TMEM150A: variants seen among roughly 807,000 people sequenced by gnomAD.
The protein encoded by TMEM150A is fasting-inducible integral membrane protein TM6P1.
A neutral mutation model predicts 29.8 loss-of-function variants in TMEM150A; 18 were observed. The ratio of observed to expected loss-of-function variants is 0.60; its 90% CI spans 0.42 to 0.90. TMEM150A has a LOEUF of 0.90. Among genes scored for constraint, TMEM150A ranks in the 40% least tolerant of loss-of-function variants. TMEM150A has a pLI of 0.00. For missense variants in TMEM150A, 251 were observed against 349.7 expected (o/e 0.72, Z 2.25); for synonymous variants, 127 against 143.6 (o/e 0.88, Z 0.83).
intron 4 of TMEM150A, 44 bp downstream of exon 4, chr2:85,600,977 G>A: frequency 6.3e-7 from 1 of 1,578,930 alleles, no homozygotes; most frequent in East Asian, 2.2e-5. Context: ...GGCTGTCTGG[G>A]AGGCCCTTAG....
chr2:85,600,213 A>G, intron 5 of TMEM150A, 132 bp downstream of exon 5: 1 of 1,310,420 alleles, frequency 7.6e-7, no homozygotes, highest in Non-Finnish European at 1.1e-6. Context: ...TTTGGCCTTC[A>G]AGGAAGGGGA....
In TMEM150A at chr2:85,598,936, G is replaced by A. The variant is rs1182985485; in HGVS notation, c.*140C>T. 1.6e-6 allele frequency: 2 copies of A among 1,286,320 alleles called. No individual in the cohort carries two copies. The highest frequency in any genetic ancestry group is 5.3e-5 in the Admixed American group (2 of 37,850). 79.7% of individuals were successfully genotyped at this position (1,286,320 alleles called of 1,614,324 possible). On this transcript the variant is annotated 3_prime_UTR_variant, in exon 8 of 8. Coordinates refer to ENST00000334462, the MANE Select transcript of TMEM150A (RefSeq NM_001031738.3). The stretch of plus-strand genomic sequence containing the variant: ...ACTCCTCCATGGCACAGGTGGGCAT[G>A]GGATGGCCACTTCTCCAGAAGTGAG...
Position 85,602,066 on chromosome 2 carries a change from TG to T in TMEM150A, c.-116-3del. On this transcript the variant is annotated splice_region_variant and splice_polypyrimidine_tract_variant and intron_variant, in intron 1 of 7. Transcript: ENST00000334462. The surrounding 1 kb of genome is among the most constrained non-coding windows in gnomAD (Gnocchi z 5.6). ...GCCACAACCATCAGCTGTCCTGGCC[TG>T]GTGGAGAGAGATCAAAGTCCAGGAG... is the stretch of plus-strand genomic sequence containing the variant. The T allele has an allele frequency of 1.1e-6, 1 of 897,388 alleles. No homozygotes were observed. The highest frequency in any genetic ancestry group is 1.8e-6 in the Non-Finnish European group (1 of 548,534). 55.6% of individuals were successfully genotyped at this position (897,388 alleles called of 1,614,324 possible).
chr2:85,600,965 G>C (rs1458833308), intron 4 of TMEM150A, 56 bp downstream of exon 4: 1 of 1,527,944 alleles, frequency 6.5e-7, no homozygotes, highest in Non-Finnish European at 9.0e-7. Context: ...CTTTGCTTGA[G>C]GGGCTGTCTG....
chr2:85,601,331 A>G lies in TMEM150A; in HGVS notation c.113+104T>C, dbSNP rs776559024. 12 of 1,420,938 alleles carry G rather than the reference A, an allele frequency of 8.4e-6. No homozygotes were observed. The highest frequency in any genetic ancestry group is 1.2e-5 in the Non-Finnish European group (12 of 1,004,584). 88.0% of individuals were successfully genotyped at this position (1,420,938 alleles called of 1,614,324 possible). ...CTGGGGACCAATTTCAGAGAAGAGC[A>G]GTGAGGCTCAGGGTTGCAGTCTGGC... On this transcript the variant is annotated intron_variant, in intron 3 of 7. Transcript: ENST00000334462. The surrounding 1 kb of genome is among the most constrained non-coding windows in gnomAD (Gnocchi z 4.0).
intron 4 of TMEM150A, 64 bp from the exon 5 acceptor site, chr2:85,600,476 C>T: frequency 8.4e-7 from 1 of 1,195,282 alleles, no homozygotes; most frequent in South Asian, 1.2e-5. Context: ...CCCATTTTGG[C>T]TCACTGGCTC....
At position 85,599,702 on chromosome 2, in the gene TMEM150A, C is replaced by G; in HGVS notation, c.397G>C (p.Val133Leu). ...TAGTGCAGAGACCTGGCATGATCCACCTGGGCCCAGAGAAGGGCCAGTTGG... is the reference window on the plus strand; with the variant it reads ...TAGTGCAGAGACCTGGCATGATCCAGCTGGGCCCAGAGAAGGGCCAGTTGG... Reference protein sequence around the residue: ...AGLLVVGNFQVDHARSLHYVG... With the variant: ...AGLLVVGNFQLDHARSLHYVG... Residue 133 changes from valine (V) to leucine (L), a missense_variant and splice_region_variant, in exon 7 of 8, where the codon GTG becomes CTG. Coordinates refer to ENST00000334462, the MANE Select transcript of TMEM150A (RefSeq NM_001031738.3). The surrounding 1 kb of genome is among the most constrained non-coding windows in gnomAD (Gnocchi z 6.0). 1 of 1,611,650 alleles carries G rather than the reference C, an allele frequency of 6.2e-7. No homozygotes were observed. The highest frequency in any genetic ancestry group is 8.5e-7 in the Non-Finnish European group (1 of 1,179,160).
In TMEM150A at chr2:85,599,967, T is replaced by C. The variant is rs780759343; in HGVS notation, c.320A>G (p.His107Arg). The C allele has an allele frequency of 1.2e-6, 2 of 1,611,230 alleles. No homozygotes were observed. Among genetic ancestry groups the C allele is most frequent in the East Asian group, 4.5e-5 (2 of 44,752 alleles). Reference sequence around the variant, plus strand: ...GAGTGCCGTGGTGTTAACCCAAGAGTGCCGACTCTGCTCCAGGAGCTGCCC... The same window carrying C: ...GAGTGCCGTGGTGTTAACCCAAGAGCGCCGACTCTGCTCCAGGAGCTGCCC... The part of the protein sequence containing the change: ...RYGQLLEQSR[H>R]SWVNTTALIT... Residue 107 changes from histidine (H) to arginine (R), a missense_variant, in exon 6 of 8, where the codon CAC (histidine) becomes CGC (arginine). Coordinates refer to ENST00000334462, the MANE Select transcript of TMEM150A (RefSeq NM_001031738.3). This position sits in a 1 kb window ranked among gnomAD's most constrained non-coding sequence, Gnocchi z 6.0.
chr2:85,601,260 G>A lies in TMEM150A; in HGVS notation c.114-153C>T. ...GTGCCCGCCTGAAGCAGTAACCAAA[G>A]GGGCAAAGGGATAGTGGGAAGTGGG... On this transcript the variant is annotated intron_variant, in intron 3 of 7. Transcript: ENST00000334462. This position sits in a 1 kb window ranked among gnomAD's most constrained non-coding sequence, Gnocchi z 4.0. The A allele has an allele frequency of 8.6e-7, 1 of 1,156,670 alleles. No homozygotes were observed. 71.7% of individuals were successfully genotyped at this position (1,156,670 alleles called of 1,614,324 possible).
rs779040281 is a variant in TMEM150A, at chr2:85,601,299, G to A, written c.113+136C>T. On this transcript the variant is annotated intron_variant, in intron 3 of 7. Coordinates refer to ENST00000334462, the MANE Select transcript of TMEM150A (RefSeq NM_001031738.3). This position sits in a 1 kb window ranked among gnomAD's most constrained non-coding sequence, Gnocchi z 4.0. Reference sequence around the variant, plus strand: ...GTGGGAAGTGGGTAGGTGGCAAGAAGCCATGCCTGGGGACCAATTTCAGAG... The same window carrying A: ...GTGGGAAGTGGGTAGGTGGCAAGAAACCATGCCTGGGGACCAATTTCAGAG... The A allele has an allele frequency of 1.6e-6, 2 of 1,275,986 alleles. No homozygotes were observed. The highest frequency in any genetic ancestry group is 2.3e-6 in the Non-Finnish European group (2 of 873,358). The allele number at this position is 1,275,986 out of a possible 1,614,324, so 79.0% of individuals were successfully genotyped here. A position where few individuals can be genotyped will look rare whatever the true frequency, so the allele number is the denominator to read the frequency against.
Position 85,599,369 on chromosome 2 carries a change from A to G in TMEM150A, c.575-52T>C, listed in dbSNP as rs768891378. The G allele has an allele frequency of 3.1e-6, 5 of 1,604,822 alleles. No individual in the cohort carries two copies. The highest frequency in any genetic ancestry group is 4.3e-6 in the Non-Finnish European group (5 of 1,173,704). The stretch of plus-strand genomic sequence containing the variant: ...GTAGGACATACGGAAACCTGGCAAC[A>G]CCCCTTCTGCAGTCTCAGGCCTCAC... On this transcript the variant is annotated intron_variant, in intron 7 of 7. Coordinates refer to ENST00000334462, the MANE Select transcript of TMEM150A (RefSeq NM_001031738.3). The surrounding 1 kb of genome is among the most constrained non-coding windows in gnomAD (Gnocchi z 6.0).
At position 85,599,431 on chromosome 2, in the gene TMEM150A, A is replaced by C; in HGVS notation, c.574+94T>G. The C allele has an allele frequency of 6.4e-7, 1 of 1,564,986 alleles. No individual in the cohort carries two copies. Among genetic ancestry groups the C allele is most frequent in the Non-Finnish European group, 8.7e-7 (1 of 1,154,630 alleles). On this transcript the variant is annotated intron_variant, in intron 7 of 7. Coordinates refer to ENST00000334462, the MANE Select transcript of TMEM150A (RefSeq NM_001031738.3). This position sits in a 1 kb window ranked among gnomAD's most constrained non-coding sequence, Gnocchi z 6.0. Reference sequence around the variant, plus strand: ...GAGAGGTGTTAGTCCTCTCCCCCACATGGCAGTGTTAGGCCTCCACCCCCC... The same window carrying C: ...GAGAGGTGTTAGTCCTCTCCCCCACCTGGCAGTGTTAGGCCTCCACCCCCC...
Position 85,601,486 on chromosome 2 carries a change from T to C in TMEM150A, c.66-4A>G, listed in dbSNP as rs781336367. On this transcript the variant is annotated splice_region_variant and splice_polypyrimidine_tract_variant and intron_variant, in intron 2 of 7. Transcript: ENST00000334462. The surrounding 1 kb of genome is among the most constrained non-coding windows in gnomAD (Gnocchi z 4.0). ...GTTCATCACAGCCATGGCATACCTG[T>C]GGGAACAGAACTGTCACCCTGGCAG... 6.2e-6 allele frequency: 10 copies of C among 1,612,158 alleles called. No individual in the cohort carries two copies. In the African/African-American group the frequency reaches 1.2e-4, roughly 19 times the overall value.
chr2:85,600,913 G>T, intron 4 of TMEM150A, 108 bp downstream of exon 4: 1 of 978,858 alleles, frequency 1.0e-6, no homozygotes, highest in Non-Finnish European at 1.5e-6. Context: ...GTTATTAAGT[G>T]GCTCTTAGGA....
At position 85,601,592 on chromosome 2, in the gene TMEM150A, T is replaced by G; in HGVS notation, c.66-110A>C. On this transcript the variant is annotated intron_variant, in intron 2 of 7. Coordinates refer to ENST00000334462, the MANE Select transcript of TMEM150A (RefSeq NM_001031738.3). The surrounding 1 kb of genome is among the most constrained non-coding windows in gnomAD (Gnocchi z 4.0). ...TGGCCCCATTCAGCCTCATTATTGT[T>G]GCTGGGGACTCAAGTTGAGGTCCCT... 1 of 1,301,200 alleles carries G rather than the reference T, an allele frequency of 7.7e-7. No homozygotes were observed. The highest frequency in any genetic ancestry group is 1.1e-6 in the Non-Finnish European group (1 of 934,960). 80.6% of individuals were successfully genotyped at this position (1,301,200 alleles called of 1,614,324 possible). A position where few individuals can be genotyped will look rare whatever the true frequency, so the allele number is the denominator to read the frequency against.
Position 85,601,897 on chromosome 2 carries a change from C to T in TMEM150A, c.52G>A (p.Gly18Ser), listed in dbSNP as rs1193606232. 6.2e-7 allele frequency: 1 copy of T among 1,613,968 alleles called. No individual in the cohort carries two copies. The highest frequency in any genetic ancestry group is 1.7e-5 in the Admixed American group (1 of 60,004). The change falls in exon 2 of 8, where the codon GGC (glycine) becomes AGC (serine). Residue 18 changes from glycine to serine, a missense_variant. By Grantham distance (56) the Gly-to-Ser change is moderately conservative (BLOSUM62 0). Transcript: ENST00000334462. The surrounding 1 kb of genome is among the most constrained non-coding windows in gnomAD (Gnocchi z 4.0). ...PVSLSAFSIT[G>S]IWTVYAMAVM... ...CCCTTTACTCACACAGTCCATATGC[C>T]AGTGATGGAGAACGCTGACAGGCTG...
At chr2:85,600,281 G>A in intron 5 of TMEM150A, 64 bp downstream of exon 5, 1 of 1,576,320 alleles carries the variant, frequency 6.3e-7, no homozygotes, top group Non-Finnish European at 8.7e-7. Context: ...AGGGCTTCCT[G>A]GGCCTTTCTG....
Position 85,601,490 on chromosome 2 carries a change from A to C in TMEM150A, c.66-8T>G. 2 of 1,611,256 alleles carry C rather than the reference A, an allele frequency of 1.2e-6. No individual in the cohort carries two copies. Among genetic ancestry groups the C allele is most frequent in the African/African-American group, 1.3e-5 (1 of 74,932 alleles). On this transcript the variant is annotated splice_region_variant and splice_polypyrimidine_tract_variant and intron_variant, in intron 2 of 7. Coordinates refer to ENST00000334462, the MANE Select transcript of TMEM150A (RefSeq NM_001031738.3). This position sits in a 1 kb window ranked among gnomAD's most constrained non-coding sequence, Gnocchi z 4.0. Reference sequence around the variant, plus strand: ...ATCACAGCCATGGCATACCTGTGGGAACAGAACTGTCACCCTGGCAGCCTT... The same window carrying C: ...ATCACAGCCATGGCATACCTGTGGGCACAGAACTGTCACCCTGGCAGCCTT...
chr2:85,600,895 G>T, intron 4 of TMEM150A, 126 bp downstream of exon 4: 1 of 797,968 alleles, frequency 1.3e-6, no homozygotes, highest in Non-Finnish European at 2.0e-6. Flanking sequence ...TAACTGTCAA[G>T]TAGTGTTGTT....
Sources: allele counts gnomAD v4.1 joint callset, GRCh38; gene constraint gnomAD v4.1.1; non-coding constraint Gnocchi (gnomAD v3.1); transcripts MANE v1.5; gene names NCBI Gene and HGNC (gene_info 2026-07-23, HGNC 2026-07-21).